Variants in THSD7A observed in about 807,000 individuals in gnomAD.
The protein encoded by THSD7A is thrombospondin type 1 domain containing 7A.
In THSD7A, 96 loss-of-function variants were observed where a neutral mutation model predicts 231.3. That is an observed-to-expected ratio of 0.41 (90% CI 0.35 to 0.49). The LOEUF (loss-of-function observed/expected upper bound fraction) is 0.49. THSD7A is among the 20% of genes least tolerant of loss of function. The pLI is 0.05. For missense variants in THSD7A, 2,290 were observed against 2,070.2 expected, an observed-to-expected ratio of 1.11 and a Z score of -2.06; for synonymous variants, 940 against 743.3, an observed-to-expected ratio of 1.26 and a Z score of -4.30.
chr7:11,525,322 G>A (rs10261402), intron 6 of THSD7A, among the ~76,000 whole-genome samples: 39,300 of 151,840 alleles, frequency 0.26, 6,297 homozygotes, highest in African/African-American at 0.45. Context: ...AAATACCATA[G>A]AATATATAAA....
At chr7:11,535,228 C>T (rs151067778) in intron 6 of THSD7A, among the ~76,000 whole-genome samples, 29 of 152,102 alleles carry the variant, frequency 1.9e-4, no homozygotes, top group Non-Finnish European at 1.6e-4. Context: ...TACAACATTG[C>T]CATTCAAAAG....
chr7:11,758,025 A>G (rs1228678190), intron 1 of THSD7A, among the ~76,000 whole-genome samples: 1 of 148,448 alleles, frequency 6.7e-6, no homozygotes. Context: ...ATATATATAT[A>G]TATATATATA....
At chr7:11,585,734 G>T (rs1779864802) in intron 4 of THSD7A, among the ~76,000 whole-genome samples, 1 of 152,080 alleles carries the variant, frequency 6.6e-6, no homozygotes, top group Non-Finnish European at 1.5e-5. Context: ...AACTGTGGCT[G>T]GACAACACAC....
At chr7:11,678,573 A>G (rs903174895) in intron 1 of THSD7A, among the ~76,000 whole-genome samples, 6 of 152,210 alleles carry the variant, frequency 3.9e-5, no homozygotes, top group African/African-American at 1.4e-4. Context: ...TAACACCTCT[A>G]TGCAAATGAA....
intron 6 of THSD7A, among the ~76,000 whole-genome samples, chr7:11,485,703 T>A (rs771759947): frequency 4.2e-4 from 64 of 152,160 alleles, no homozygotes; most frequent in Non-Finnish European, 7.8e-4. Flanking sequence ...GGTGGAGAAC[T>A]GAGGATGCCA....
chr7:11,508,509 G>C (rs553771786), intron 6 of THSD7A, among the ~76,000 whole-genome samples: 7 of 152,266 alleles, frequency 4.6e-5, no homozygotes, highest in East Asian at 1.9e-4. Context: ...ATACAAAATG[G>C]TGTAGCTGCT....
At chr7:11,819,661 G>A (rs1469292362) in intron 1 of THSD7A, among the ~76,000 whole-genome samples, 1 of 152,180 alleles carries the variant, frequency 6.6e-6, no homozygotes, top group Non-Finnish European at 1.5e-5. Context: ...GGATTTGGGA[G>A]GAGGAAGGGA....
intron 1 of THSD7A, among the ~76,000 whole-genome samples, chr7:11,771,839 T>G (rs930425277): frequency 6.6e-6 from 1 of 152,214 alleles, no homozygotes; most frequent in Non-Finnish European, 1.5e-5. Flanking sequence ...ATCTCCTTGC[T>G]GCTGTTCTTG....
chr7:11,797,772 T>C (rs1489338370), intron 1 of THSD7A, among the ~76,000 whole-genome samples: 4 of 152,262 alleles, frequency 2.6e-5, no homozygotes, highest in South Asian at 2.1e-4. Flanking sequence ...CTCATTAGCA[T>C]GCTAAATTAA....
At chr7:11,763,592 C>T (rs777556636) in intron 1 of THSD7A, among the ~76,000 whole-genome samples, 8 of 152,092 alleles carry the variant, frequency 5.3e-5, no homozygotes, top group East Asian at 1.9e-4. Context: ...ACAATCAACT[C>T]AAAAAATGAA....
intron 6 of THSD7A, among the ~76,000 whole-genome samples, chr7:11,488,892 C>T (rs111738440): frequency 2.6e-5 from 4 of 152,228 alleles, no homozygotes; most frequent in African/African-American, 9.6e-5. Context: ...AAACACTGTT[C>T]TTCATGCCTG....
intron 1 of THSD7A, among the ~76,000 whole-genome samples, chr7:11,792,819 C>G (rs1783999794): frequency 6.6e-6 from 1 of 151,892 alleles, no homozygotes; most frequent in Non-Finnish European, 1.5e-5. Flanking sequence ...AGTTATTCAA[C>G]TTTCCATTGC....
At chr7:11,529,255 A>G (rs2354952) in intron 6 of THSD7A, among the ~76,000 whole-genome samples, 60,011 of 151,952 alleles carry the variant, frequency 0.39, 12,193 homozygotes, top group East Asian at 0.46. Context: ...TTTTTATTAT[A>G]GAATTTTATT....
At chr7:11,476,354 CACACACACCAT>C (rs1786178814) in intron 7 of THSD7A, among the ~76,000 whole-genome samples, 2 of 149,992 alleles carry the variant, frequency 1.3e-5, no homozygotes, top group African/African-American at 5.0e-5. Flanking sequence ...CACACACACA[CACACACACCAT>C]TTTTTTAAGT....
intron 1 of THSD7A, among the ~76,000 whole-genome samples, chr7:11,726,463 A>T (rs1208688236): frequency 6.6e-6 from 1 of 152,026 alleles, no homozygotes. Flanking sequence ...GCACAATGAA[A>T]TCCGGGATTT....
chr7:11,692,026 G>A (rs1268533455), intron 1 of THSD7A, among the ~76,000 whole-genome samples: 2 of 151,544 alleles, frequency 1.3e-5, no homozygotes, highest in Non-Finnish European at 3.0e-5. Flanking sequence ...GACTGTGTGA[G>A]TTATAAAGCC....
intron 1 of THSD7A, among the ~76,000 whole-genome samples, chr7:11,773,383 T>G (rs1250656167): frequency 6.6e-6 from 1 of 151,666 alleles, no homozygotes; most frequent in Non-Finnish European, 1.5e-5. Context: ...AATACGAAAT[T>G]AGCCAGGCAT....
At chr7:11,772,178 G>A (rs1406653509) in intron 1 of THSD7A, among the ~76,000 whole-genome samples, 2 of 151,066 alleles carry the variant, frequency 1.3e-5, no homozygotes, top group African/African-American at 2.4e-5. Flanking sequence ...TCTCACACCA[G>A]TCAGAATTAT....
chr7:11,736,453 CTGTGTGTG>C (rs61483307), intron 1 of THSD7A, among the ~76,000 whole-genome samples: 128 of 143,602 alleles, frequency 8.9e-4, no homozygotes, highest in African/African-American at 3.3e-3. Flanking sequence ...ACAGCAGACT[CTGTGTGTG>C]TGTGTGTGTG....
Sources: gnomAD v4.1 joint callset for allele counts (sites outside exome capture counted in the v4.1 genomes callset) on GRCh38, gnomAD v4.1.1 for gene constraint, MANE v1.5 for transcripts, NCBI Gene and HGNC (gene_info 2026-07-23, HGNC 2026-07-21) for gene names.